The following BLTP3A variants were observed in gnomAD, a reference collection of about 807,000 sequenced individuals.
The protein encoded by BLTP3A is ICBP90 binding protein 1.
At chr6:34,872,323 T>A in the BLTP3A span, 2 of 1,606,450 alleles carry the variant, frequency 1.2e-6, no homozygotes, top group Non-Finnish European at 8.5e-7. Context: ...GTGAAAGAAC[T>A]GCCTATCCTA....
the BLTP3A span, among the ~76,000 whole-genome samples, chr6:34,852,378 C>A: frequency 6.6e-6 from 1 of 152,204 alleles, no homozygotes; most frequent in Non-Finnish European, 1.5e-5. Context: ...CCCTTCAAGG[C>A]AGTGGGTTCC....
At chr6:34,865,350 C>G in the BLTP3A span, among the ~76,000 whole-genome samples, 3 of 152,190 alleles carry the variant, frequency 2.0e-5, no homozygotes, top group African/African-American at 7.2e-5. Context: ...CCAGATTCAT[C>G]TACGTTATCA....
the BLTP3A span, chr6:34,856,390 T>A: frequency 6.2e-7 from 1 of 1,613,952 alleles, no homozygotes; most frequent in Admixed American, 1.7e-5. Flanking sequence ...GAGTAGACTC[T>A]CTCTTTCGGA....
chr6:34,871,256 T>C, the BLTP3A span: 3 of 1,091,712 alleles, frequency 2.7e-6, no homozygotes, highest in Non-Finnish European at 3.9e-6. Context: ...TGAGGAAATA[T>C]TAATACATAT....
the BLTP3A span, among the ~76,000 whole-genome samples, chr6:34,805,452 G>T: frequency 1.3e-5 from 2 of 152,036 alleles, no homozygotes; most frequent in Admixed American, 6.6e-5. Context: ...CATTAGCCAG[G>T]CATGGTGGTT....
the BLTP3A span, among the ~76,000 whole-genome samples, chr6:34,869,394 T>C: frequency 1.3e-5 from 2 of 152,308 alleles, no homozygotes; most frequent in Non-Finnish European, 2.9e-5. Flanking sequence ...TCACCTGTCA[T>C]AGGTAATCAC....
the BLTP3A span, among the ~76,000 whole-genome samples, chr6:34,850,097 C>CGT: frequency 0.22 from 33,339 of 151,064 alleles, 4,476 homozygotes; most frequent in African/African-American, 0.38. Context: ...GAGCCAAGAT[C>CGT]GTGCCACTGC....
the BLTP3A span, among the ~76,000 whole-genome samples, chr6:34,848,313 C>CA: frequency 6.6e-6 from 1 of 151,358 alleles, no homozygotes; most frequent in Non-Finnish European, 1.5e-5. Flanking sequence ...ATCAATCAAT[C>CA]AATCAATCAG....
the BLTP3A span, among the ~76,000 whole-genome samples, chr6:34,832,996 A>T: frequency 6.6e-6 from 1 of 152,124 alleles, no homozygotes; most frequent in Non-Finnish European, 1.5e-5. Context: ...TGTTTTCTTC[A>T]CATCTAGAGG....
At chr6:34,803,444 C>G in the BLTP3A span, among the ~76,000 whole-genome samples, 4 of 152,120 alleles carry the variant, frequency 2.6e-5, no homozygotes, top group Non-Finnish European at 4.4e-5. Context: ...TACTGTACCC[C>G]CAACCTGCTC....
chr6:34,802,888 T>C, the BLTP3A span, among the ~76,000 whole-genome samples: 2 of 152,224 alleles, frequency 1.3e-5, no homozygotes, highest in South Asian at 4.2e-4. Flanking sequence ...AAAAAATCAC[T>C]TGAGAGGCTG....
chr6:34,831,062 G>A, the BLTP3A span, among the ~76,000 whole-genome samples: 1 of 151,306 alleles, frequency 6.6e-6, no homozygotes, highest in Non-Finnish European at 1.5e-5. Flanking sequence ...ACAAGTACTT[G>A]GTTAGATAAA....
At chr6:34,876,064 T>C in the BLTP3A span, 1 of 152,672 alleles carries the variant, frequency 6.5e-6, no homozygotes, top group Non-Finnish European at 1.5e-5. Context: ...TTTACATGCA[T>C]GTGCTGGGGA....
chr6:34,867,354 G>C, the BLTP3A span: 2 of 1,614,184 alleles, frequency 1.2e-6, no homozygotes, highest in Non-Finnish European at 8.5e-7. Context: ...GTTTCACCCA[G>C]TGGAGAAGAC....
chr6:34,812,386 A>C, the BLTP3A span, among the ~76,000 whole-genome samples: 1 of 151,760 alleles, frequency 6.6e-6, no homozygotes, highest in East Asian at 1.9e-4. Flanking sequence ...TAAATAACAC[A>C]ACAGTTAAAA....
the BLTP3A span, among the ~76,000 whole-genome samples, chr6:34,815,935 C>T: frequency 2.6e-5 from 4 of 152,170 alleles, no homozygotes; most frequent in African/African-American, 4.8e-5. Flanking sequence ...TGTGAGCAAC[C>T]GTGCCCGGCC....
the BLTP3A span, among the ~76,000 whole-genome samples, chr6:34,830,024 A>G: frequency 7.9e-5 from 12 of 151,284 alleles, no homozygotes; most frequent in Non-Finnish European, 1.6e-4. Flanking sequence ...TGTGTTGGCC[A>G]GGCTGGTCTT....
At chr6:34,854,318 A>G in the BLTP3A span, among the ~76,000 whole-genome samples, 1 of 152,186 alleles carries the variant, frequency 6.6e-6, no homozygotes, top group Non-Finnish European at 1.5e-5. Flanking sequence ...TTATATATTT[A>G]TATAAGTTGA....
At chr6:34,864,116 C>G in the BLTP3A span, 5 of 1,613,808 alleles carry the variant, frequency 3.1e-6, no homozygotes, top group Admixed American at 3.3e-5. Context: ...TTGATGGTGT[C>G]TCATTGGATA....
Sources: gnomAD v4.1 joint callset for allele counts (sites outside exome capture counted in the v4.1 genomes callset) on GRCh38, gnomAD v4.1.1 for gene constraint, MANE v1.5 for transcripts, NCBI Gene and HGNC (gene_info 2026-07-23, HGNC 2026-07-21) for gene names.